The following HHAT variants were observed in gnomAD, a reference collection of about 807,000 sequenced individuals.
The protein encoded by HHAT is hedgehog acyltransferase.
Under a neutral mutation model 70.8 loss-of-function variants are expected in HHAT, and 47 were observed. The ratio of observed to expected loss-of-function variants is 0.66; its 90% CI spans 0.53 to 0.85. The LOEUF (loss-of-function observed/expected upper bound fraction) is 0.85, where lower values mean the gene tolerates loss of function less well. Among genes scored for constraint, HHAT ranks in the 40% least tolerant of loss-of-function variants. The probability of loss-of-function intolerance (pLI) is 0.00; values close to 1 mark genes in which losing one functional copy is unlikely to be tolerated. For missense variants in HHAT, 609 were observed against 604.8 expected (o/e 1.01, Z -0.07); for synonymous variants, 228 against 247.6 (o/e 0.92, Z 0.74).
chr1:210,504,828 G>T (rs1378585021), intron 8 of HHAT, among the ~76,000 whole-genome samples: 1 of 151,964 alleles, frequency 6.6e-6, no homozygotes, highest in Non-Finnish European at 1.5e-5. Flanking sequence ...CTGCCAACTG[G>T]GATCATGCTA....
At chr1:210,609,230 T>C (rs549143569) in intron 10 of HHAT, among the ~76,000 whole-genome samples, 3 of 152,326 alleles carry the variant, frequency 2.0e-5, no homozygotes, top group East Asian at 3.9e-4. Context: ...TTCTAGATAA[T>C]TTACATTTTT....
At chr1:210,567,804 G>T (rs1390062328) in intron 9 of HHAT, among the ~76,000 whole-genome samples, 1 of 152,184 alleles carries the variant, frequency 6.6e-6, no homozygotes, top group Non-Finnish European at 1.5e-5. Flanking sequence ...CCTGCTTGCT[G>T]AGCCAGCCTT....
intron 9 of HHAT, among the ~76,000 whole-genome samples, chr1:210,578,391 T>A (rs1658399780): frequency 6.6e-6 from 1 of 152,154 alleles, no homozygotes; most frequent in Non-Finnish European, 1.5e-5. Context: ...ACATTGTTGG[T>A]ACAGCCACTA....
intron 10 of HHAT, among the ~76,000 whole-genome samples, chr1:210,599,697 T>C (rs1663809863): frequency 6.6e-6 from 1 of 152,168 alleles, no homozygotes; most frequent in South Asian, 2.1e-4. Flanking sequence ...GTCTACCAAA[T>C]AGCTTCTAGG....
chr1:210,612,183 T>A (rs902321671), intron 10 of HHAT, among the ~76,000 whole-genome samples: 3 of 152,186 alleles, frequency 2.0e-5, no homozygotes, highest in African/African-American at 7.2e-5. Context: ...ACTTAACATA[T>A]AATTTGCCAT....
intron 10 of HHAT, among the ~76,000 whole-genome samples, chr1:210,592,406 C>A (rs1294173234): frequency 6.6e-6 from 1 of 151,724 alleles, no homozygotes; most frequent in African/African-American, 2.4e-5. Context: ...CTGTTTTTGC[C>A]CAATACTGTA....
intron 9 of HHAT, among the ~76,000 whole-genome samples, chr1:210,573,142 T>C (rs1656757165): frequency 6.6e-6 from 1 of 152,228 alleles, no homozygotes; most frequent in Non-Finnish European, 1.5e-5. Context: ...TCTATGCTTA[T>C]GTCCCAAATG....
chr1:210,655,020 C>T (rs1017833690), intron 11 of HHAT, among the ~76,000 whole-genome samples: 2 of 152,200 alleles, frequency 1.3e-5, no homozygotes, highest in South Asian at 2.1e-4. Flanking sequence ...TTCCACGTCC[C>T]GAACTGACCC....
intron 10 of HHAT, among the ~76,000 whole-genome samples, chr1:210,598,711 G>C (rs1325617315): frequency 6.6e-6 from 1 of 152,168 alleles, no homozygotes; most frequent in East Asian, 1.9e-4. Flanking sequence ...GAGGAGAGGT[G>C]GCATTGCAAT....
intron 3 of HHAT, among the ~76,000 whole-genome samples, chr1:210,381,958 GTGT>G (rs1350589372): frequency 6.6e-6 from 1 of 152,296 alleles, no homozygotes; most frequent in South Asian, 2.1e-4. Flanking sequence ...CTATGCGTTT[GTGT>G]TGTTTTCAGC....
chr1:210,544,346 T>G (rs1282324440), intron 9 of HHAT, among the ~76,000 whole-genome samples: 1 of 150,914 alleles, frequency 6.6e-6, no homozygotes, highest in Non-Finnish European at 1.5e-5. Flanking sequence ...GTTTTGTTTT[T>G]TTCTTTTCTT....
intron 3 of HHAT, among the ~76,000 whole-genome samples, chr1:210,373,000 A>C (rs139614802): frequency 2.0e-5 from 3 of 152,310 alleles, no homozygotes; most frequent in African/African-American, 7.2e-5. Context: ...GTAAACTTTC[A>C]GGTGCAGCTT....
chr1:210,449,512 T>C (rs1431800290), intron 7 of HHAT, among the ~76,000 whole-genome samples: 2 of 152,226 alleles, frequency 1.3e-5, no homozygotes, highest in Non-Finnish European at 2.9e-5. Flanking sequence ...TCTATGCCAT[T>C]GCTTCAGGTT....
chr1:210,602,987 G>A (rs766856361), intron 10 of HHAT, among the ~76,000 whole-genome samples: 2 of 152,134 alleles, frequency 1.3e-5, no homozygotes, highest in Admixed American at 6.5e-5. Context: ...ATTTTCAAGG[G>A]TTCTTTTTAA....
At chr1:210,603,943 A>G (rs926115551) in intron 10 of HHAT, among the ~76,000 whole-genome samples, 1 of 152,280 alleles carries the variant, frequency 6.6e-6, no homozygotes, top group African/African-American at 2.4e-5. Flanking sequence ...TCAAACTTGT[A>G]GTTTACCTAA....
In HHAT at chr1:210,354,195, CTTTTTT is replaced by C. The variant is rs71146220; in HGVS notation, c.91+5151_91+5156del. 7.9e-3 allele frequency among the ~76,000 whole-genome samples: 815 copies of C among 102,544 alleles called. 7 individuals are homozygous for C. In the East Asian group the frequency reaches 0.12, roughly 15 times the overall value. The allele number at this position is 102,544 out of a possible 152,430, so 67.3% of individuals were successfully genotyped here. A position where few individuals can be genotyped will look rare whatever the true frequency, so the allele number is the denominator to read the frequency against. ...ACAAATAGATAACTAAACATAATGT[CTTTTTT>C]TTTTTTTTTTTTTTTTTTTTTGAGA... On this transcript the variant is annotated intron_variant, in intron 2 of 11. Transcript: ENST00000261458.
intron 4 of HHAT, among the ~76,000 whole-genome samples, chr1:210,397,655 T>C (rs1028947151): frequency 4.0e-5 from 6 of 151,822 alleles, no homozygotes; most frequent in African/African-American, 4.8e-5. Context: ...AGAAAAAAGG[T>C]TGATAAATAC....
chr1:210,644,794 T>G (rs1489516107), intron 11 of HHAT, among the ~76,000 whole-genome samples: 1 of 152,108 alleles, frequency 6.6e-6, no homozygotes, highest in Non-Finnish European at 1.5e-5. Flanking sequence ...CGGTCTTTTC[T>G]AAACATTTAA....
chr1:210,541,056 G>A (rs2095425751), intron 9 of HHAT, among the ~76,000 whole-genome samples: 1 of 152,142 alleles, frequency 6.6e-6, no homozygotes, highest in African/African-American at 2.4e-5. Context: ...GCCCAGTCTG[G>A]TCTTGAACTC....
Sources: allele counts gnomAD v4.1 joint callset (sites outside exome capture counted in the v4.1 genomes callset), GRCh38; gene constraint gnomAD v4.1.1; transcripts MANE v1.5; gene names NCBI Gene and HGNC (gene_info 2026-07-23, HGNC 2026-07-21).